PRSS12: variants seen among roughly 807,000 people sequenced by gnomAD.
The protein encoded by PRSS12 is neurotrypsin.
PRSS12 carries 85 observed loss-of-function variants against 104.4 expected under a neutral mutation model. That is an observed-to-expected ratio of 0.81 (90% CI 0.68 to 0.98). PRSS12 has a LOEUF of 0.98. Among genes scored for constraint, PRSS12 ranks in the 50% least tolerant of loss-of-function variants. PRSS12 has a pLI of 0.00. For missense variants in PRSS12, 1,141 were observed against 1,139.2 expected, an observed-to-expected ratio of 1.00 and a Z score of -0.02; for synonymous variants, 454 against 425.2, an observed-to-expected ratio of 1.07 and a Z score of -0.83.
intron 8 of PRSS12, among the ~76,000 whole-genome samples, chr4:118,304,138 G>A (rs140808893): frequency 6.6e-6 from 1 of 151,648 alleles, no homozygotes; most frequent in East Asian, 1.9e-4. Context: ...GTGTGTGTGT[G>A]TATCTGTATA....
At chr4:118,334,180 A>T (rs1302403843) in intron 3 of PRSS12, among the ~76,000 whole-genome samples, 1 of 152,182 alleles carries the variant, frequency 6.6e-6, no homozygotes, top group Admixed American at 6.5e-5. Context: ...TTAAATTCTC[A>T]CTTCTAATTT....
Position 118,331,822 on chromosome 4 carries a change from G to A in PRSS12, c.865C>T (p.His289Tyr), listed in dbSNP as rs776235604. The A allele has an allele frequency of 3.1e-6, 5 of 1,614,044 alleles. No homozygotes were observed. The highest frequency in any genetic ancestry group is 1.7e-5 in the Admixed American group (1 of 60,002). Residue 289 changes from histidine to tyrosine, a missense_variant, in exon 4 of 13, where the codon CAT (histidine) becomes TAT (tyrosine). His to Tyr is a moderately conservative substitution (Grantham distance 83). Transcript: ENST00000296498. The stretch of plus-strand genomic sequence containing the variant: ...TGGTAGAGCTCCACCCGGCCTTCAT[G>A]CACACTGCTGCCTCCAGCAAGGCGA... ...IIRLAGGSSV[H>Y]EGRVELYHAG...
intron 12 of PRSS12, 139 bp from the exon 13 acceptor site, chr4:118,282,382 G>A: frequency 3.6e-6 from 4 of 1,109,418 alleles, no homozygotes; most frequent in Non-Finnish European, 5.4e-6. Flanking sequence ...TGACTAACTG[G>A]TATGTACTAT....
At chr4:118,301,204 T>C (rs955019595) in intron 8 of PRSS12, among the ~76,000 whole-genome samples, 5 of 152,210 alleles carry the variant, frequency 3.3e-5, no homozygotes, top group Non-Finnish European at 7.3e-5. Context: ...ACCTGCTGAT[T>C]TGAAAGTCTT....
intron 8 of PRSS12, among the ~76,000 whole-genome samples, chr4:118,301,327 C>T (rs1222016929): frequency 6.6e-6 from 1 of 152,254 alleles, no homozygotes; most frequent in Non-Finnish European, 1.5e-5. Context: ...AAGTATAGCA[C>T]AACCTGAACC....
Position 118,335,378 on chromosome 4 carries a change from T to C in PRSS12, c.820+95A>G. ...GACTTATTTCTGTAATTAAAGTCTTTAAGGAAATGATTATAACTAAGACAC... is the reference window on the plus strand; with the variant it reads ...GACTTATTTCTGTAATTAAAGTCTTCAAGGAAATGATTATAACTAAGACAC... On this transcript the variant is annotated intron_variant, in intron 3 of 12. Coordinates refer to ENST00000296498, the MANE Select transcript of PRSS12 (RefSeq NM_003619.4). 6.3e-6 allele frequency: 9 copies of C among 1,426,798 alleles called. No homozygotes were observed. The South Asian group carries it at 8.9e-5, about 14-fold the overall frequency. 88.4% of individuals were successfully genotyped at this position (1,426,798 alleles called of 1,614,324 possible).
chr4:118,343,514 T>C (rs1724269172), intron 1 of PRSS12, among the ~76,000 whole-genome samples: 1 of 152,212 alleles, frequency 6.6e-6, no homozygotes, highest in Admixed American at 6.5e-5. Context: ...TCATTCTATA[T>C]ACCCAGCTTA....
Position 118,331,831 on chromosome 4 carries a change from T to C in PRSS12, c.856A>G (p.Ser286Gly). The change falls in exon 4 of 13, where the codon AGC (serine) becomes GGC (glycine). Residue 286 changes from serine to glycine, a missense_variant. By Grantham distance (56) the Ser-to-Gly change is moderately conservative. Coordinates refer to ENST00000296498, the MANE Select transcript of PRSS12 (RefSeq NM_003619.4). ...TFPIIRLAGGSSVHEGRVELY... is the reference protein window; with the variant it reads ...TFPIIRLAGGGSVHEGRVELY... ...TCCACCCGGCCTTCATGCACACTGC[T>C]GCCTCCAGCAAGGCGAATGATGGGG... The C allele has an allele frequency of 6.2e-7, 1 of 1,614,174 alleles. No homozygotes were observed.
In PRSS12 at chr4:118,320,780, T is replaced by G. The variant is rs568572614; in HGVS notation, c.972-2224A>C. On this transcript the variant is annotated intron_variant, in intron 4 of 12. Coordinates refer to ENST00000296498, the MANE Select transcript of PRSS12 (RefSeq NM_003619.4). ...AATAATAATAATAATAACAACAATATCATTAAAGCAAATGCTTAGGGAATG... is the reference window on the plus strand; with the variant it reads ...AATAATAATAATAATAACAACAATAGCATTAAAGCAAATGCTTAGGGAATG... 3.3e-5 allele frequency among the ~76,000 whole-genome samples: 5 copies of G among 151,954 alleles called. No homozygotes were observed. The South Asian group carries it at 1.0e-3, about 32-fold the overall frequency.
At position 118,299,201 on chromosome 4, in the gene PRSS12, T is replaced by C. The variant is rs1743330934; in HGVS notation, c.1632-263A>G. Among the ~76,000 whole-genome samples the C allele has an allele frequency of 2.0e-5, 3 of 152,170 alleles. No homozygotes were observed. In the South Asian group the frequency reaches 6.2e-4, roughly 32 times the overall value. On this transcript the variant is annotated intron_variant, in intron 8 of 12. Transcript: ENST00000296498. Reference sequence around the variant, plus strand: ...TAAGAAACTTACATTTAATGGCACATCAAAAAATCATGATAGTCTTTAACT... The same window carrying C: ...TAAGAAACTTACATTTAATGGCACACCAAAAAATCATGATAGTCTTTAACT...
intron 11 of PRSS12, among the ~76,000 whole-genome samples, chr4:118,288,413 T>A (rs1354280584): frequency 1.3e-5 from 2 of 152,212 alleles, no homozygotes; most frequent in Admixed American, 1.3e-4. Context: ...ATATTAGGCA[T>A]CTGACACACT....
rs1742816244 is a variant in PRSS12, at chr4:118,280,510, G to A, written c.*1426C>T. 6.6e-6 allele frequency: 1 copy of A among 152,258 alleles called. No homozygotes were observed. The highest frequency in any genetic ancestry group is 2.1e-4 in the South Asian group (1 of 4,836). 9.4% of individuals were successfully genotyped at this position (152,258 alleles called of 1,614,324 possible). A position where few individuals can be genotyped will look rare whatever the true frequency, so the allele number is the denominator to read the frequency against. On this transcript the variant is annotated 3_prime_UTR_variant, in exon 13 of 13. Coordinates refer to ENST00000296498, the MANE Select transcript of PRSS12 (RefSeq NM_003619.4). ...CCAGTTATTACAGAAATGGGGATTT[G>A]TGAAAAGGATGTAATTTGATGTAGA...
intron 8 of PRSS12, among the ~76,000 whole-genome samples, chr4:118,302,603 T>C (rs757087710): frequency 1.6e-4 from 24 of 152,164 alleles, no homozygotes; most frequent in Non-Finnish European, 3.2e-4. Flanking sequence ...ATTTTTGTAT[T>C]TTTAGTAGAG....
chr4:118,291,599 C>A (rs1244365982), intron 11 of PRSS12, among the ~76,000 whole-genome samples: 1 of 152,060 alleles, frequency 6.6e-6, no homozygotes, highest in Non-Finnish European at 1.5e-5. Flanking sequence ...TTTCTGCTTG[C>A]CCTTCTTAGA....
At chr4:118,290,990 G>A (rs2126027156) in intron 11 of PRSS12, among the ~76,000 whole-genome samples, 1 of 151,872 alleles carries the variant, frequency 6.6e-6, no homozygotes, top group East Asian at 1.9e-4. Context: ...GCCAGAAAAA[G>A]GCATGTAAGT....
chr4:118,335,273 T>C (rs1166231575), intron 3 of PRSS12, among the ~76,000 whole-genome samples, 200 bp downstream of exon 3: 1 of 152,154 alleles, frequency 6.6e-6, no homozygotes, highest in Non-Finnish European at 1.5e-5. Flanking sequence ...AAAAATGAGA[T>C]ACCACTGGAA....
intron 10 of PRSS12, 53 bp downstream of exon 10, chr4:118,295,725 A>T (rs1381546379): frequency 2.0e-6 from 3 of 1,485,486 alleles, no homozygotes; most frequent in Non-Finnish European, 2.8e-6. Context: ...GTAACACTCT[A>T]TGTATATAAA....
chr4:118,321,053 C>A (rs1723604353), intron 4 of PRSS12, among the ~76,000 whole-genome samples: 1 of 152,130 alleles, frequency 6.6e-6, no homozygotes, highest in Non-Finnish European at 1.5e-5. Context: ...AAATTAAAGA[C>A]TAATATCTAG....
chr4:118,318,524 A>T lies in PRSS12; in HGVS notation c.1004T>A (p.Phe335Tyr). The T allele has an allele frequency of 6.2e-7, 1 of 1,614,170 alleles. No individual in the cohort carries two copies. The highest frequency in any genetic ancestry group is 8.5e-7 in the Non-Finnish European group (1 of 1,180,018). Residue 335 changes from phenylalanine (F) to tyrosine (Y), a missense_variant, in exon 5 of 13, where the codon TTT becomes TAT. Physicochemically the swap from Phe to Tyr is conservative, Grantham distance 22. Coordinates refer to ENST00000296498, the MANE Select transcript of PRSS12 (RefSeq NM_003619.4). ...CATAACTGGGCCAGACCCTTCCCCA[A>T]AATATGCCTGATGCCATGCTTTGGC... ...GIAKAWHQAY[F>Y]GEGSGPVMLD...
Sources: gnomAD v4.1 joint callset for allele counts (sites outside exome capture counted in the v4.1 genomes callset) on GRCh38, gnomAD v4.1.1 for gene constraint, MANE v1.5 for transcripts, NCBI Gene and HGNC (gene_info 2026-07-23, HGNC 2026-07-21) for gene names.